Variants in THEMIS observed in about 807,000 individuals in gnomAD.
THEMIS encodes protein THEMIS.
In THEMIS, 37 loss-of-function variants were observed where a neutral mutation model predicts 52.6. That is an observed-to-expected ratio of 0.70 (90% CI 0.54 to 0.93). The LOEUF (loss-of-function observed/expected upper bound fraction) is 0.93. THEMIS is among the 40% of genes least tolerant of loss of function. The probability of loss-of-function intolerance (pLI) is 0.00; values close to 1 mark genes in which losing one functional copy is unlikely to be tolerated. For missense variants in THEMIS, 808 were observed against 763.1 expected (o/e 1.06, Z -0.69); for synonymous variants, 292 against 272.7 (o/e 1.07, Z -0.70).
chr6:127,830,723 GCT>G (rs1778674166), intron 2 of THEMIS, among the ~76,000 whole-genome samples: 1 of 151,860 alleles, frequency 6.6e-6, no homozygotes, highest in African/African-American at 2.4e-5. Context: ...AAAAATAAAA[GCT>G]ATATAGCTTG....
chr6:127,740,832 A>T (rs948281159), intron 4 of THEMIS, among the ~76,000 whole-genome samples: 1 of 152,224 alleles, frequency 6.6e-6, no homozygotes, highest in Non-Finnish European at 1.5e-5. Context: ...AAAGAAATAA[A>T]AATTTAGGGG....
chr6:127,915,144 C>T (rs1041175378), intron 1 of THEMIS, among the ~76,000 whole-genome samples: 1 of 151,966 alleles, frequency 6.6e-6, no homozygotes, highest in African/African-American at 2.4e-5. Context: ...ACTTTTGAAG[C>T]TTTTACTGGG....
chr6:127,787,191 G>GT (rs932057784), intron 4 of THEMIS, among the ~76,000 whole-genome samples: 16 of 152,006 alleles, frequency 1.1e-4, no homozygotes, highest in South Asian at 8.3e-4. Context: ...AAGATATAGG[G>GT]TTTTTTTTAA....
intron 4 of THEMIS, among the ~76,000 whole-genome samples, chr6:127,764,789 T>C (rs1446854291): frequency 1.3e-5 from 2 of 152,036 alleles, no homozygotes; most frequent in African/African-American, 4.8e-5. Flanking sequence ...TTATTTTAAC[T>C]CTGCTTTTCC....
intron 2 of THEMIS, among the ~76,000 whole-genome samples, chr6:127,840,576 G>T (rs1172755539): frequency 6.6e-6 from 1 of 152,002 alleles, no homozygotes; most frequent in Non-Finnish European, 1.5e-5. Flanking sequence ...TGTGTTACTT[G>T]TAAAACAGAA....
intron 1 of THEMIS, among the ~76,000 whole-genome samples, chr6:127,860,909 G>T (rs1366524468): frequency 6.6e-6 from 1 of 152,124 alleles, no homozygotes. Flanking sequence ...CTTACAAGTG[G>T]TTGTCATGAT....
intron 4 of THEMIS, among the ~76,000 whole-genome samples, chr6:127,720,908 T>C (rs1449797318): frequency 1.3e-5 from 2 of 152,096 alleles, no homozygotes; most frequent in Non-Finnish European, 2.9e-5. Flanking sequence ...GGACTGGATG[T>C]ATGGATAGCC....
rs545490734 is a variant in THEMIS at position 127,868,613 on chromosome 6, A to T, written c.92-13425T>A. Among the ~76,000 whole-genome samples, 146 of 152,298 alleles carry T rather than the reference A, an allele frequency of 9.6e-4. 1 individual carries two copies. Among genetic ancestry groups the T allele is most frequent in the African/African-American group, 3.4e-3 (142 of 41,590 alleles). ...CTTTGGCTGGTGATATCTGGCTACA[A>T]GCTGCCTTGTCTATTTATTCCCAGT... On this transcript the variant is annotated intron_variant, in intron 1 of 5. Coordinates refer to ENST00000368248, the MANE Select transcript of THEMIS (RefSeq NM_001010923.3).
intron 1 of THEMIS, among the ~76,000 whole-genome samples, chr6:127,907,616 T>C (rs927098548): frequency 2.0e-5 from 3 of 151,916 alleles, no homozygotes; most frequent in Admixed American, 6.6e-5. Flanking sequence ...TGGATTTTAT[T>C]AGGCAGTTGT....
intron 4 of THEMIS, among the ~76,000 whole-genome samples, chr6:127,759,051 G>T (rs1775930265): frequency 6.6e-6 from 1 of 152,096 alleles, no homozygotes; most frequent in Non-Finnish European, 1.5e-5. Context: ...AAATGGCTGT[G>T]TATTACATAC....
At chr6:127,801,960 G>C (rs1385172766) in intron 4 of THEMIS, among the ~76,000 whole-genome samples, 3 of 152,194 alleles carry the variant, frequency 2.0e-5, no homozygotes, top group Admixed American at 2.0e-4. Flanking sequence ...TGGGATAATG[G>C]TGGAAGGAAC....
intron 3 of THEMIS, among the ~76,000 whole-genome samples, chr6:127,816,298 T>A (rs1350860346): frequency 6.6e-6 from 1 of 152,148 alleles, no homozygotes; most frequent in African/African-American, 2.4e-5. Flanking sequence ...CCTACACTGA[T>A]CTTAAGTGGT....
chr6:127,723,410 T>C (rs1774430336), intron 4 of THEMIS, among the ~76,000 whole-genome samples: 1 of 152,008 alleles, frequency 6.6e-6, no homozygotes, highest in Admixed American at 6.6e-5. Context: ...GGAGTATCCT[T>C]CTTTACCCAA....
chr6:127,878,432 T>C (rs952325781), intron 1 of THEMIS, among the ~76,000 whole-genome samples: 2 of 149,736 alleles, frequency 1.3e-5, no homozygotes, highest in Middle Eastern at 3.4e-3. Flanking sequence ...GCCATATAGC[T>C]GTTATTATAT....
At chr6:127,738,738 A>G (rs943808520) in intron 4 of THEMIS, among the ~76,000 whole-genome samples, 4 of 152,182 alleles carry the variant, frequency 2.6e-5, no homozygotes, top group African/African-American at 9.7e-5. Flanking sequence ...CCCTTGAGAC[A>G]TAAGTGGTGA....
intron 1 of THEMIS, among the ~76,000 whole-genome samples, chr6:127,867,662 C>T (rs1201684501): frequency 6.6e-6 from 1 of 152,048 alleles, no homozygotes; most frequent in Non-Finnish European, 1.5e-5. Context: ...TTAGCTGAAA[C>T]TCTGATACTA....
At chr6:127,769,412 T>A (rs931603964) in intron 4 of THEMIS, among the ~76,000 whole-genome samples, 1 of 151,304 alleles carries the variant, frequency 6.6e-6, no homozygotes, top group East Asian at 1.9e-4. Flanking sequence ...TCCTACAATA[T>A]GTTCTTTGCT....
intron 4 of THEMIS, among the ~76,000 whole-genome samples, chr6:127,812,569 G>A (rs921126960): frequency 2.6e-5 from 4 of 152,064 alleles, no homozygotes; most frequent in Non-Finnish European, 4.4e-5. Context: ...AAATAAAAGA[G>A]GTTTGCTTCT....
intron 5 of THEMIS, among the ~76,000 whole-genome samples, chr6:127,715,790 T>C (rs933717869): frequency 6.6e-6 from 1 of 151,902 alleles, no homozygotes; most frequent in Non-Finnish European, 1.5e-5. Context: ...TAAGACCATT[T>C]GAGTCCAACA....
Sources: gnomAD v4.1 joint callset for allele counts (sites outside exome capture counted in the v4.1 genomes callset) on GRCh38, gnomAD v4.1.1 for gene constraint, MANE v1.5 for transcripts, NCBI Gene and HGNC (gene_info 2026-07-23, HGNC 2026-07-21) for gene names.